Variants in TBC1D1 observed in about 807,000 individuals in gnomAD.
TBC1D1 encodes TBC1 (tre-2/USP6, BUB2, cdc16) domain family, member 1.
Under a neutral mutation model 125.6 loss-of-function variants are expected in TBC1D1, and 89 were observed. The observed-to-expected ratio is 0.71, with a 90% CI of 0.60 to 0.85. The LOEUF (loss-of-function observed/expected upper bound fraction) is 0.85, where lower values mean the gene tolerates loss of function less well. TBC1D1 is among the 40% of genes least tolerant of loss of function. The pLI, the probability that TBC1D1 is intolerant of heterozygous loss-of-function variation, is 0.00. For synonymous variants in TBC1D1, 565 were observed against 564.1 expected (o/e 1.00, Z -0.02); for missense variants, 1,377 against 1,469.2 (o/e 0.94, Z 1.03).
chr4:38,089,423 G>A (rs1459605634), intron 12 of TBC1D1, among the ~76,000 whole-genome samples: 5 of 152,236 alleles, frequency 3.3e-5, no homozygotes, highest in Non-Finnish European at 2.9e-5. Context: ...AAGCCAGACT[G>A]TTGGGTTCCA....
chr4:37,959,641 A>G (rs1483088532), intron 2 of TBC1D1, among the ~76,000 whole-genome samples: 1 of 152,258 alleles, frequency 6.6e-6, no homozygotes, highest in African/African-American at 2.4e-5. Flanking sequence ...GAATTAGACA[A>G]CAAGAATATT....
At chr4:38,115,445 C>T (rs996556375) in intron 15 of TBC1D1, among the ~76,000 whole-genome samples, 3 of 151,910 alleles carry the variant, frequency 2.0e-5, no homozygotes, top group Admixed American at 6.6e-5. Flanking sequence ...TTTGCAGGAC[C>T]GAAGGTAGTT....
At chr4:38,045,967 T>G in intron 10 of TBC1D1, 64 bp downstream of exon 10, 3 of 1,368,056 alleles carry the variant, frequency 2.2e-6, no homozygotes, top group Non-Finnish European at 3.1e-6. Flanking sequence ...GCTCATCTCC[T>G]GTCTACATAC....
At chr4:38,085,092 C>T (rs185035867) in intron 12 of TBC1D1, among the ~76,000 whole-genome samples, 2 of 152,344 alleles carry the variant, frequency 1.3e-5, no homozygotes, top group Admixed American at 6.5e-5. Context: ...GCAATGTCAT[C>T]CTCTTCCCCA....
In TBC1D1 at chr4:38,103,061, C is replaced by T; in HGVS notation, c.2461C>T (p.His821Tyr). The T allele has an allele frequency of 1.2e-6, 2 of 1,614,160 alleles. No homozygotes were observed. The highest frequency in any genetic ancestry group is 1.1e-5 in the South Asian group (1 of 91,078). The change falls in exon 15 of 20, where the codon CAC becomes TAC. Residue 821 changes from histidine to tyrosine, a missense_variant. By Grantham distance (83) the His-to-Tyr change is moderately conservative (BLOSUM62 2). Coordinates refer to ENST00000261439, the MANE Select transcript of TBC1D1 (RefSeq NM_015173.4). The stretch of plus-strand genomic sequence containing the variant: ...TCTAGCTGAGCAATTCCACCTTAAA[C>T]ACCAGTTTCCCAGCAAACAGCAGCC...
Position 38,083,934 on chromosome 4 carries a change from CT to C in TBC1D1, c.2051-5980del, listed in dbSNP as rs61161366. On this transcript the variant is annotated intron_variant, in intron 12 of 19. Coordinates refer to ENST00000261439, the MANE Select transcript of TBC1D1 (RefSeq NM_015173.4). ...TTTCTTTATACCAAATGAATGTTGT[CT>C]TTTTTTTTTTTTTTTTTCTTGAGAC... Among the ~76,000 whole-genome samples, 349 of 133,282 alleles carry C rather than the reference CT, an allele frequency of 2.6e-3. 2 individuals carry two copies. Among genetic ancestry groups the C allele is most frequent in the African/African-American group, 2.8e-3 (98 of 35,376 alleles). 87.4% of individuals were successfully genotyped at this position (133,282 alleles called of 152,430 possible). A position where few individuals can be genotyped will look rare whatever the true frequency, so the allele number is the denominator to read the frequency against.
intron 2 of TBC1D1, among the ~76,000 whole-genome samples, chr4:37,934,131 A>G (rs138397107): frequency 6.6e-6 from 1 of 152,314 alleles, no homozygotes; most frequent in Non-Finnish European, 1.5e-5. Context: ...ATAGTCATCC[A>G]GTGTGTTATG....
intron 8 of TBC1D1, among the ~76,000 whole-genome samples, chr4:38,042,353 C>G (rs764181757): frequency 2.0e-5 from 3 of 151,990 alleles, no homozygotes; most frequent in Non-Finnish European, 2.9e-5. Flanking sequence ...CTCCTGGGTT[C>G]GAGCGATTCT....
chr4:38,083,483 C>T (rs1756930766), intron 12 of TBC1D1, among the ~76,000 whole-genome samples: 1 of 152,228 alleles, frequency 6.6e-6, no homozygotes, highest in East Asian at 1.9e-4. Context: ...AGAACCACCC[C>T]ACTTTCCACA....
At chr4:38,120,098 AG>A in intron 17 of TBC1D1, 1 of 985,460 alleles carries the variant, frequency 1.0e-6, no homozygotes. Flanking sequence ...TCAAAGCTGC[AG>A]CTTGTAAAGG....
At chr4:37,901,565 C>A (rs1716005294) in intron 1 of TBC1D1, among the ~76,000 whole-genome samples, 1 of 152,202 alleles carries the variant, frequency 6.6e-6, no homozygotes, top group African/African-American at 2.4e-5. Flanking sequence ...ATAATAGGCA[C>A]TGAAGACATG....
At chr4:38,020,384 A>G (rs1376172196) in intron 4 of TBC1D1, among the ~76,000 whole-genome samples, 1 of 152,212 alleles carries the variant, frequency 6.6e-6, no homozygotes, top group Non-Finnish European at 1.5e-5. Context: ...AGGCTGAGGC[A>G]CGAGAATCAC....
At chr4:38,049,939 T>C (rs760730481) in intron 11 of TBC1D1, 41 bp downstream of exon 11, 9 of 1,573,822 alleles carry the variant, frequency 5.7e-6, no homozygotes, top group South Asian at 3.5e-5. Flanking sequence ...AGCTGGGGCA[T>C]ATCTGTGACT....
intron 14 of TBC1D1, among the ~76,000 whole-genome samples, chr4:38,101,837 A>C (rs1181943417): frequency 2.6e-5 from 4 of 151,848 alleles, no homozygotes; most frequent in Non-Finnish European, 5.9e-5. Flanking sequence ...GCTCTCTTCC[A>C]CATGCACCCT....
chr4:37,993,627 G>T (rs1394365159), intron 2 of TBC1D1, among the ~76,000 whole-genome samples: 2 of 152,146 alleles, frequency 1.3e-5, no homozygotes, highest in African/African-American at 4.8e-5. Flanking sequence ...TGTTGCCCAG[G>T]CTGGAATGCA....
At chr4:38,040,200 AAC>A (rs1346408453) in intron 8 of TBC1D1, among the ~76,000 whole-genome samples, 1 of 152,226 alleles carries the variant, frequency 6.6e-6, no homozygotes, top group Non-Finnish European at 1.5e-5. Flanking sequence ...CTGCTTTAAA[AAC>A]ACATGCATAC....
At chr4:38,046,969 A>G (rs1749608398) in intron 10 of TBC1D1, among the ~76,000 whole-genome samples, 1 of 152,138 alleles carries the variant, frequency 6.6e-6, no homozygotes. Flanking sequence ...CCTCCTAGAC[A>G]TATGGCTTTC....
chr4:38,057,253 T>C (rs1193856216), intron 12 of TBC1D1, among the ~76,000 whole-genome samples: 1 of 152,162 alleles, frequency 6.6e-6, no homozygotes, highest in East Asian at 1.9e-4. Flanking sequence ...GAACTCACCC[T>C]CATGCCCCAC....
intron 12 of TBC1D1, among the ~76,000 whole-genome samples, chr4:38,070,674 GT>G (rs1223277359): frequency 3.3e-5 from 5 of 152,050 alleles, no homozygotes; most frequent in Non-Finnish European, 7.4e-5. Flanking sequence ...ATTATAGTAT[GT>G]AAAAAAAACA....
Sources: allele counts gnomAD v4.1 joint callset (sites outside exome capture counted in the v4.1 genomes callset), GRCh38; gene constraint gnomAD v4.1.1; transcripts MANE v1.5; gene names NCBI Gene and HGNC (gene_info 2026-07-23, HGNC 2026-07-21).